Variants in PTPN11 observed in about 807,000 individuals in gnomAD.
The protein encoded by PTPN11 is protein tyrosine phosphatase non-receptor type 11.
PTPN11 carries 6 observed loss-of-function variants against 78.8 expected under a neutral mutation model. The observed-to-expected ratio is 0.08, with a 90% CI of 0.04 to 0.15. PTPN11 has a LOEUF of 0.15. Ranked by LOEUF, PTPN11 falls within the 10% of genes least tolerant of loss-of-function variation. PTPN11 has a pLI of 1.00. For synonymous variants in PTPN11, 221 were observed against 263.5 expected, an observed-to-expected ratio of 0.84 and a Z score of 1.56; for missense variants, 386 against 744.8, an observed-to-expected ratio of 0.52 and a Z score of 5.61.
At chr12:112,489,228 G>A in intron 13 of PTPN11, 53 bp downstream of exon 13, 1 of 1,600,974 alleles carries the variant, frequency 6.2e-7, no homozygotes, top group Non-Finnish European at 8.6e-7. Context: ...TAGGCCTCTT[G>A]GATACGCTCT....
intron 1 of PTPN11, among the ~76,000 whole-genome samples, chr12:112,424,839 G>A (rs1245343141): frequency 2.6e-5 from 4 of 151,370 alleles, no homozygotes; most frequent in African/African-American, 9.7e-5. Context: ...GGCTGGGACT[G>A]CAGGCACACG....
At chr12:112,442,883 A>T (rs2037929587) in intron 1 of PTPN11, among the ~76,000 whole-genome samples, 3 of 92,496 alleles carry the variant, frequency 3.2e-5, no homozygotes, top group Admixed American at 1.2e-4. Context: ...TATATAAATT[A>T]TATATACACT....
chr12:112,494,153 C>T (rs1170430973), intron 13 of PTPN11, among the ~76,000 whole-genome samples: 1 of 152,184 alleles, frequency 6.6e-6, no homozygotes, highest in African/African-American at 2.4e-5. Context: ...ACTTGGGACA[C>T]TGAGGCAGGA....
chr12:112,462,017 A>AT lies in PTPN11; in HGVS notation c.756+5962dup, dbSNP rs201993469. Among the ~76,000 whole-genome samples, 897 of 152,030 alleles carry AT rather than the reference A, an allele frequency of 5.9e-3. 11 individuals are homozygous for AT. The highest frequency in any genetic ancestry group is 0.02 in the African/African-American group (845 of 41,482). On this transcript the variant is annotated intron_variant, in intron 6 of 15. Transcript: ENST00000351677. ...TAATATGATTACTGAAAACAGTTTA[A>AT]TTTTTTTTGCGCTTTTCAAAAAAAT...
intron 13 of PTPN11, among the ~76,000 whole-genome samples, chr12:112,496,736 A>C (rs1378888225): frequency 1.6e-4 from 24 of 152,176 alleles, no homozygotes; most frequent in Admixed American, 1.6e-3. Context: ...GTAGTTTCAG[A>C]ATTACTAACC....
intron 1 of PTPN11, among the ~76,000 whole-genome samples, chr12:112,424,099 A>G (rs2037567430): frequency 6.6e-6 from 1 of 152,176 alleles, no homozygotes. Flanking sequence ...TTATCATCCC[A>G]CTGGCCTACT....
chr12:112,483,680 G>C (rs969676051), intron 10 of PTPN11, among the ~76,000 whole-genome samples: 46 of 152,310 alleles, frequency 3.0e-4, no homozygotes, highest in African/African-American at 1.0e-3. Flanking sequence ...TTTGGAGGTA[G>C]TGCAGCCGTC....
At position 112,488,638 on chromosome 12, in the gene PTPN11, A is replaced by C. The variant is rs187973375; in HGVS notation, c.1447+128A>C. 89 of 959,646 alleles carry C rather than the reference A, an allele frequency of 9.3e-5. No homozygotes were observed. The African/African-American group carries it at 1.3e-3, about 14-fold the overall frequency. 59.4% of individuals were successfully genotyped at this position (959,646 alleles called of 1,614,324 possible). On this transcript the variant is annotated intron_variant, in intron 12 of 15. Transcript: ENST00000351677. The stretch of plus-strand genomic sequence containing the variant: ...TCTTTCACAAAAATCTGGGCTGAAG[A>C]CTTCAGTGTGTCTGCCTGAGAACAG...
At chr12:112,441,542 T>A (rs965073032) in intron 1 of PTPN11, among the ~76,000 whole-genome samples, 1 of 151,450 alleles carries the variant, frequency 6.6e-6, no homozygotes, top group Non-Finnish European at 1.5e-5. Flanking sequence ...GGATTACAGG[T>A]GTGAGCCACT....
At chr12:112,419,633 G>T (rs2037489568) in intron 1 of PTPN11, among the ~76,000 whole-genome samples, 5 of 152,286 alleles carry the variant, frequency 3.3e-5, no homozygotes, top group Middle Eastern at 3.4e-3. Flanking sequence ...CCTTTTATAT[G>T]CCTCTTTGTG....
At chr12:112,502,967 G>C (rs966608781) in intron 14 of PTPN11, among the ~76,000 whole-genome samples, 3 of 152,190 alleles carry the variant, frequency 2.0e-5, no homozygotes, top group Non-Finnish European at 2.9e-5. Flanking sequence ...TAATGTGTCA[G>C]CCCAGCCATG....
At chr12:112,447,155 C>T (rs1336313065) in intron 2 of PTPN11, among the ~76,000 whole-genome samples, 1 of 151,904 alleles carries the variant, frequency 6.6e-6, no homozygotes. Flanking sequence ...AGGCATGAGC[C>T]ACCACACTCA....
intron 11 of PTPN11, chr12:112,486,949 T>C: frequency 7.6e-7 from 1 of 1,314,052 alleles, no homozygotes; most frequent in Non-Finnish European, 9.8e-7. Context: ...TTATTCTTCA[T>C]GATGTTTGCT....
intron 1 of PTPN11, among the ~76,000 whole-genome samples, chr12:112,422,359 A>G (rs764842018): frequency 1.3e-5 from 2 of 152,202 alleles, no homozygotes; most frequent in African/African-American, 4.8e-5. Context: ...TCCCTTGATC[A>G]TGTAGCAGTG....
At chr12:112,488,396 C>G in intron 11 of PTPN11, 47 bp from the exon 12 acceptor site, 1 of 1,477,312 alleles carries the variant, frequency 6.8e-7, no homozygotes, top group Non-Finnish European at 9.5e-7. Flanking sequence ...GTCTGAAACC[C>G]CCATGAATGA....
chr12:112,499,328 A>G (rs899825858), intron 13 of PTPN11, among the ~76,000 whole-genome samples: 1 of 151,958 alleles, frequency 6.6e-6, no homozygotes, highest in Non-Finnish European at 1.5e-5. Context: ...TTTATTTTTT[A>G]AAAAATTTAT....
intron 1 of PTPN11, among the ~76,000 whole-genome samples, chr12:112,435,494 C>T (rs1169225531): frequency 6.6e-6 from 1 of 152,094 alleles, no homozygotes; most frequent in African/African-American, 2.4e-5. Flanking sequence ...GGGGTCTAGG[C>T]TGTCTAACTG....
chr12:112,483,782 G>C (rs1420907787), intron 10 of PTPN11, among the ~76,000 whole-genome samples: 1 of 152,174 alleles, frequency 6.6e-6, no homozygotes, highest in East Asian at 1.9e-4. Flanking sequence ...CAGACATGCA[G>C]GGATTCAGTG....
At chr12:112,497,986 C>G (rs1437594258) in intron 13 of PTPN11, among the ~76,000 whole-genome samples, 1 of 152,004 alleles carries the variant, frequency 6.6e-6, no homozygotes, top group Non-Finnish European at 1.5e-5. Flanking sequence ...AACCCTGTCT[C>G]TATCAAAAAT....
Sources: gnomAD v4.1 joint callset for allele counts (sites outside exome capture counted in the v4.1 genomes callset) on GRCh38, gnomAD v4.1.1 for gene constraint, MANE v1.5 for transcripts, NCBI Gene and HGNC (gene_info 2026-07-23, HGNC 2026-07-21) for gene names.